Variants in NUCB2 observed in about 807,000 individuals in gnomAD.
The protein encoded by NUCB2 is nucleobindin-2.
Under a neutral mutation model 57.9 loss-of-function variants are expected in NUCB2, and 48 were observed. The observed-to-expected ratio is 0.83, with a 90% confidence interval of 0.66 to 1.05. The LOEUF (loss-of-function observed/expected upper bound fraction) is 1.05. Among genes scored for constraint, NUCB2 ranks in the 50% least tolerant of loss-of-function variants. NUCB2 has a pLI of 0.00. For missense variants in NUCB2, 442 were observed against 476.2 expected (o/e 0.93, Z 0.67); for synonymous variants, 139 against 152.1 (o/e 0.91, Z 0.64).
chr11:17,321,720 GT>G (rs1950044157), intron 11 of NUCB2, among the ~76,000 whole-genome samples: 1 of 152,096 alleles, frequency 6.6e-6, no homozygotes, highest in Admixed American at 6.6e-5. Context: ...CCTACCAACA[GT>G]GTACGAGGGT....
chr11:17,285,287 G>A (rs544094188), intron 2 of NUCB2, among the ~76,000 whole-genome samples: 124 of 150,904 alleles, frequency 8.2e-4, no homozygotes, highest in African/African-American at 2.8e-3. Context: ...AAAATTAGCC[G>A]GGCGTGGCTG....
intron 13 of NUCB2, 103 bp downstream of exon 13, chr11:17,331,086 TTATTTTTTGTG>T (rs1396668408): frequency 1.4e-5 from 12 of 871,284 alleles, no homozygotes; most frequent in South Asian, 5.5e-5. Flanking sequence ...AGATGTTATG[TTATTTTTTGTG>T]TATTTTTTGT....
At chr11:17,305,134 G>A (rs1947411323) in intron 5 of NUCB2, among the ~76,000 whole-genome samples, 1 of 152,100 alleles carries the variant, frequency 6.6e-6, no homozygotes, top group Non-Finnish European at 1.5e-5. Flanking sequence ...GACCAGTTTC[G>A]CCAACATGGC....
chr11:17,301,486 G>C (rs965822496), intron 4 of NUCB2, among the ~76,000 whole-genome samples: 2 of 150,422 alleles, frequency 1.3e-5, no homozygotes, highest in African/African-American at 4.9e-5. Flanking sequence ...CGCCAGGTTG[G>C]CCAGGCTGGT....
chr11:17,301,610 T>C (rs1946769766), intron 4 of NUCB2, 134 bp from the exon 5 acceptor site: 1 of 562,784 alleles, frequency 1.8e-6, no homozygotes, highest in Non-Finnish European at 3.0e-6. Flanking sequence ...AGAAATTCTT[T>C]TTATAATATT....
intron 10 of NUCB2, among the ~76,000 whole-genome samples, chr11:17,313,411 T>C (rs1948799977): frequency 6.6e-6 from 1 of 151,952 alleles, no homozygotes; most frequent in Non-Finnish European, 1.5e-5. Context: ...ATACCTACAA[T>C]CCCAGCTACT....
rs373786607 is a variant in NUCB2 at position 17,280,813 on chromosome 11, G to T, written c.-155-1976G>T. Among the ~76,000 whole-genome samples, 35 of 152,314 alleles carry T rather than the reference G, an allele frequency of 2.3e-4. 1 individual carries two copies. The East Asian group carries it at 6.8e-3, about 29-fold the overall frequency. On this transcript the variant is annotated intron_variant, in intron 1 of 13. Transcript: ENST00000529010. Reference sequence around the variant, plus strand: ...CTTGGACTTTGGGAGGCTAAGGTGAGCAGATCACTTGAGCTCACAGGTTTG... The same window carrying T: ...CTTGGACTTTGGGAGGCTAAGGTGATCAGATCACTTGAGCTCACAGGTTTG...
chr11:17,287,946 C>T (rs943230078), intron 2 of NUCB2, among the ~76,000 whole-genome samples: 20 of 151,988 alleles, frequency 1.3e-4, no homozygotes, highest in Admixed American at 5.9e-4. Flanking sequence ...TGCAGTGATC[C>T]GAGATCGCGG....
intron 4 of NUCB2, among the ~76,000 whole-genome samples, chr11:17,301,469 G>A (rs952943197): frequency 6.0e-5 from 9 of 150,592 alleles, no homozygotes; most frequent in Admixed American, 2.0e-4. Context: ...TAGTAGAGAC[G>A]GTATTTCGCC....
Position 17,312,027 on chromosome 11 carries a change from G to C in NUCB2, c.820-1G>C, listed in dbSNP as rs751412367. On this transcript the variant is annotated splice_acceptor_variant, in intron 9 of 13. Coordinates refer to ENST00000529010, the MANE Select transcript of NUCB2 (RefSeq NM_005013.4). LOFTEE classifies it high-confidence loss of function. ...TGTTCATTTAAAATTTTTCTTTTTA[G>C]TTGGAGAAAGTATATGACCCTAAAA... 1 of 1,569,396 alleles carries C rather than the reference G, an allele frequency of 6.4e-7. No homozygotes were observed. Among genetic ancestry groups the C allele is most frequent in the Middle Eastern group, 1.7e-4 (1 of 5,834 alleles).
At chr11:17,329,425 A>C (rs1293242458) in intron 11 of NUCB2, among the ~76,000 whole-genome samples, 2 of 152,088 alleles carry the variant, frequency 1.3e-5, no homozygotes, top group African/African-American at 4.8e-5. Flanking sequence ...AGAGCACTTC[A>C]GCCCGCATGG....
intron 11 of NUCB2, among the ~76,000 whole-genome samples, chr11:17,319,985 C>T (rs931801809): frequency 5.3e-5 from 8 of 152,148 alleles, no homozygotes; most frequent in Non-Finnish European, 1.0e-4. Flanking sequence ...TGAGAACATG[C>T]AGTATTTGGT....
intron 2 of NUCB2, among the ~76,000 whole-genome samples, chr11:17,342,302 G>A (rs540892987): frequency 6.6e-6 from 1 of 152,028 alleles, no homozygotes; most frequent in East Asian, 1.9e-4. Context: ...AGGGTTTTTT[G>A]TGTATCTCTT....
At chr11:17,296,889 C>T (rs1051568157) in intron 4 of NUCB2, among the ~76,000 whole-genome samples, 8 of 152,038 alleles carry the variant, frequency 5.3e-5, no homozygotes, top group Admixed American at 2.0e-4. Flanking sequence ...TAGGTGAGGT[C>T]CTGGTGTTTT....
chr11:17,315,512 A>T (rs375967228), intron 11 of NUCB2, 37 bp downstream of exon 11: 12 of 1,178,124 alleles, frequency 1.0e-5, no homozygotes, highest in Non-Finnish European at 1.5e-5. Flanking sequence ...GTATGGTTCA[A>T]CAAATTCTAC....
At chr11:17,334,755 G>A (rs1463057935), downstream of NUCB2, among the ~76,000 whole-genome samples, 1 of 152,016 alleles carries the variant, frequency 6.6e-6, no homozygotes, top group Non-Finnish European at 1.5e-5. Context: ...GTGTGATGGT[G>A]CACACCTATA....
intron 4 of NUCB2, among the ~76,000 whole-genome samples, chr11:17,298,499 T>A (rs570407781): frequency 1.1e-4 from 16 of 151,678 alleles, no homozygotes; most frequent in African/African-American, 3.9e-4. Flanking sequence ...GCCCAGGAGT[T>A]TGAGGTTGCA....
chr11:17,292,383 T>C (rs1163281881), intron 2 of NUCB2, among the ~76,000 whole-genome samples: 1 of 152,184 alleles, frequency 6.6e-6, no homozygotes. Flanking sequence ...TCTGTCTCAT[T>C]GTAGGTGAGG....
intron 11 of NUCB2, among the ~76,000 whole-genome samples, chr11:17,326,483 A>C (rs747392561): frequency 6.5e-5 from 9 of 138,992 alleles, no homozygotes; most frequent in Non-Finnish European, 1.2e-4. Flanking sequence ...ACACGCGGCT[A>C]ATTTTTTGTA....
Sources: allele counts gnomAD v4.1 joint callset (sites outside exome capture counted in the v4.1 genomes callset), GRCh38; gene constraint gnomAD v4.1.1; transcripts MANE v1.5; gene names NCBI Gene and HGNC (gene_info 2026-07-23, HGNC 2026-07-21).